Variants in MED19 observed in about 807,000 individuals in gnomAD.
The protein encoded by MED19 is mediator complex subunit 19.
MED19 carries 4 observed loss-of-function variants against 19.9 expected under a neutral mutation model. The observed-to-expected ratio is 0.20, with a 90% confidence interval of 0.10 to 0.46. The LOEUF is 0.46. MED19 is among the 20% of genes least tolerant of loss of function. MED19 has a pLI of 0.99. For synonymous variants in MED19, 139 were observed against 119.6 expected (o/e 1.16, Z -1.06); for missense variants, 303 against 318.7 (o/e 0.95, Z 0.38).
intron 1 of MED19, among the ~76,000 whole-genome samples, chr11:57,705,579 G>A (rs1016911844): frequency 2.6e-5 from 4 of 151,758 alleles, no homozygotes; most frequent in Non-Finnish European, 5.9e-5. Context: ...ACTTGAACCC[G>A]GGAGGTGGAG....
chr11:57,707,554 C>G (rs1946523109), intron 1 of MED19, among the ~76,000 whole-genome samples: 1 of 152,126 alleles, frequency 6.6e-6, no homozygotes, highest in Admixed American at 6.6e-5. Flanking sequence ...TCCCTCTATA[C>G]CTCTAGGCCT....
chr11:57,703,859 C>T (rs947733408), exon 5 of MED19: 2 of 951,178 alleles, frequency 2.1e-6, no homozygotes, highest in African/African-American at 3.3e-5. Flanking sequence ...GATGAGCCTA[C>T]AAAAGCATGT....
Position 57,711,953 on chromosome 11 carries a change from G to T in MED19, c.217+10C>A. 1 of 1,432,678 alleles carries T rather than the reference G, an allele frequency of 7.0e-7. No homozygotes were observed. The highest frequency in any genetic ancestry group is 1.5e-5 in the South Asian group (1 of 68,960). The allele number at this position is 1,432,678 out of a possible 1,614,324, so 88.7% of individuals were successfully genotyped here. On this transcript the variant is annotated intron_variant, in intron 1 of 4. Coordinates refer to ENST00000431606, the Ensembl canonical transcript of MED19. ...TTGATTGGCTGGCTTTGGCAAGGCCGAGTACTCACCTGGCAGTTCCCTCAT... is the reference window on the plus strand; with the variant it reads ...TTGATTGGCTGGCTTTGGCAAGGCCTAGTACTCACCTGGCAGTTCCCTCAT...
At chr11:57,704,262 G>A in intron 4 of MED19, 40 bp downstream of exon 4, 2 of 1,530,288 alleles carry the variant, frequency 1.3e-6, no homozygotes, top group Non-Finnish European at 1.7e-6. Context: ...GTGAGATCTG[G>A]GGAAACTCAC....
chr11:57,710,240 T>C (rs1946549832), intron 1 of MED19, among the ~76,000 whole-genome samples: 2 of 152,186 alleles, frequency 1.3e-5, no homozygotes, highest in African/African-American at 4.8e-5. Context: ...TGCATGCCTG[T>C]AGTCCTAGCT....
chr11:57,705,335 T>A, intron 1 of MED19, 106 bp from the exon 2 acceptor site: 1 of 1,228,436 alleles, frequency 8.1e-7, no homozygotes, highest in Non-Finnish European at 1.1e-6. Flanking sequence ...GTGCAGATTT[T>A]AAAATTTAAA....
At chr11:57,705,656 A>G (rs1231008336) in intron 1 of MED19, among the ~76,000 whole-genome samples, 2 of 151,884 alleles carry the variant, frequency 1.3e-5, no homozygotes, top group Non-Finnish European at 2.9e-5. Flanking sequence ...TGTCTCAAAA[A>G]AAAAAAAAAA....
rs533624496 is a variant in MED19, at chr11:57,710,114, C to T, written c.217+1849G>A. Reference sequence around the variant, plus strand: ...CAGTGGCTCAGACCTATAATCCTAGCACTTTGGGAGGCCAAGGCGGGAGGA... The same window carrying T: ...CAGTGGCTCAGACCTATAATCCTAGTACTTTGGGAGGCCAAGGCGGGAGGA... On this transcript the variant is annotated intron_variant, in intron 1 of 4. Transcript: ENST00000431606. 4.3e-4 allele frequency among the ~76,000 whole-genome samples: 65 copies of T among 152,298 alleles called. 2 individuals are homozygous for T. The highest frequency in any genetic ancestry group is 3.3e-3 in the South Asian group (16 of 4,826).
intron 3 of MED19, 32 bp from the exon 4 acceptor site, chr11:57,704,428 A>G (rs1389634837): frequency 2.0e-6 from 3 of 1,527,490 alleles, no homozygotes; most frequent in Non-Finnish European, 2.6e-6. Flanking sequence ...TATCACCTGT[A>G]AAGCTCAAAA....
chr11:57,707,398 A>C (rs1946521651), intron 1 of MED19, among the ~76,000 whole-genome samples: 1 of 152,188 alleles, frequency 6.6e-6, no homozygotes, highest in Admixed American at 6.6e-5. Flanking sequence ...GCTTGTTTAT[A>C]ATCATTCACT....
chr11:57,704,192 T>G (rs1369509028), intron 4 of MED19, 86 bp from the exon 5 acceptor site: 12 of 1,527,692 alleles, frequency 7.9e-6, no homozygotes, highest in Middle Eastern at 1.7e-4. Context: ...GCAACCTGCC[T>G]TGGGTTTTCA....
intron 2 of MED19, 52 bp from the exon 3 acceptor site, chr11:57,704,867 G>C (rs1340529770): frequency 6.2e-7 from 1 of 1,608,654 alleles, no homozygotes; most frequent in East Asian, 2.2e-5. Flanking sequence ...AATCTCTCCT[G>C]CTCTTATCAT....
exon 1 of MED19, chr11:57,711,991 G>C: frequency 6.7e-7 from 1 of 1,500,670 alleles, no homozygotes; most frequent in Non-Finnish European, 8.9e-7. Context: ...GGTAAAAAGG[G>C]CCACAGCCAG....
chr11:57,712,205 C>T (rs1344188375), exon 1 of MED19: 2 of 1,489,188 alleles, frequency 1.3e-6, no homozygotes, highest in Non-Finnish European at 1.8e-6. Flanking sequence ...GGCGCTGTCT[C>T]CGTGTCTGCC....
rs1474320693 is a variant in MED19, at chr11:57,712,037, G to A, written c.143C>T (p.Ala48Val). 11 of 1,536,462 alleles carry A rather than the reference G, an allele frequency of 7.2e-6. No individual in the cohort carries two copies. In the African/African-American group the frequency reaches 8.3e-5, roughly 12 times the overall value. Residue 48 changes from alanine (A) to valine (V), a missense_variant, in exon 1 of 5, where the codon GCG (alanine) becomes GTG (valine). Physicochemically the swap from Ala to Val is moderately conservative, Grantham distance 64 (BLOSUM62 0). Transcript: ENST00000431606. The stretch of plus-strand genomic sequence containing the variant: ...GTCCGCGCCAGGAGGAGCCGTGGCC[G>A]CGGTGGGAGGCGGGGCCGTGCCGGG...
At chr11:57,711,320 A>G (rs1369322336) in intron 1 of MED19, among the ~76,000 whole-genome samples, 1 of 152,180 alleles carries the variant, frequency 6.6e-6, no homozygotes, top group Admixed American at 6.5e-5. Context: ...GTCCCCAAAG[A>G]TATTAAATCA....
intron 1 of MED19, 49 bp downstream of exon 1, chr11:57,711,914 C>T (rs967597827): frequency 2.9e-6 from 4 of 1,394,320 alleles, no homozygotes; most frequent in Non-Finnish European, 9.4e-7. Context: ...CGCCCATCAC[C>T]TCCTCTCTAA....
chr11:57,704,485 C>G, intron 3 of MED19, 89 bp from the exon 4 acceptor site: 1 of 1,556,672 alleles, frequency 6.4e-7, no homozygotes, highest in Admixed American at 2.2e-5. Context: ...AATCCCAAGT[C>G]GGGGCAACTG....
exon 1 of MED19, chr11:57,712,067 C>T (rs1485943246): frequency 2.0e-6 from 3 of 1,533,076 alleles, no homozygotes; most frequent in Admixed American, 2.1e-5. Flanking sequence ...GCCGGGTCCC[C>T]CGCCCGCAGG....
Sources: allele counts gnomAD v4.1 joint callset (sites outside exome capture counted in the v4.1 genomes callset), GRCh38; gene constraint gnomAD v4.1.1; transcripts MANE v1.5; gene names NCBI Gene and HGNC (gene_info 2026-07-23, HGNC 2026-07-21).